The following PRKAR2B variants were observed in gnomAD, a reference collection of about 807,000 sequenced individuals.
The protein encoded by PRKAR2B is cAMP-dependent protein kinase type II-beta regulatory subunit.
PRKAR2B carries 14 observed loss-of-function variants against 49.9 expected under a neutral mutation model. That is an observed-to-expected ratio of 0.28 (90% CI 0.19 to 0.44). PRKAR2B has a LOEUF of 0.44. PRKAR2B is among the 20% of genes least tolerant of loss of function. The pLI, the probability that PRKAR2B is intolerant of heterozygous loss-of-function variation, is 1.00. For missense variants in PRKAR2B, 393 were observed against 537.9 expected (o/e 0.73, Z 2.67); for synonymous variants, 196 against 197.7 (o/e 0.99, Z 0.07).
At position 107,085,444 on chromosome 7, in the gene PRKAR2B, A is replaced by G. The variant is rs115175768; in HGVS notation, c.343+15128A>G. On this transcript the variant is annotated intron_variant, in intron 2 of 10. Coordinates refer to ENST00000265717, the MANE Select transcript of PRKAR2B (RefSeq NM_002736.3). ...ATCTTTTTTTATAGTTGTGATTAGT[A>G]TATGCATATATGTTACATCATTAAA... 3.8e-3 allele frequency among the ~76,000 whole-genome samples: 578 copies of G among 152,318 alleles called. 4 individuals carry two copies. The highest frequency in any genetic ancestry group is 0.014 in the African/African-American group (563 of 41,572).
intron 5 of PRKAR2B, among the ~76,000 whole-genome samples, chr7:107,143,337 G>A (rs865877168): frequency 2.0e-5 from 3 of 152,208 alleles, no homozygotes; most frequent in African/African-American, 7.2e-5. Context: ...GACCTCATGT[G>A]ATGGTTTACA....
chr7:107,156,313 C>T (rs1334024102), intron 8 of PRKAR2B, among the ~76,000 whole-genome samples: 1 of 152,052 alleles, frequency 6.6e-6, no homozygotes, highest in Non-Finnish European at 1.5e-5. Context: ...TAGCACATGC[C>T]TGTAATCCCA....
At chr7:107,148,262 G>T (rs1200473790) in intron 6 of PRKAR2B, among the ~76,000 whole-genome samples, 1 of 152,154 alleles carries the variant, frequency 6.6e-6, no homozygotes, top group African/African-American at 2.4e-5. Flanking sequence ...ATTCCAATGG[G>T]GTTGCCGTTC....
At chr7:107,046,376 A>G (rs1490319779) in intron 1 of PRKAR2B, among the ~76,000 whole-genome samples, 1 of 152,308 alleles carries the variant, frequency 6.6e-6, no homozygotes, top group East Asian at 1.9e-4. Flanking sequence ...TAAAAGTGTC[A>G]TTTCATTTCC....
At chr7:107,112,309 TTTC>T (rs1191172892) in intron 2 of PRKAR2B, among the ~76,000 whole-genome samples, 1 of 152,034 alleles carries the variant, frequency 6.6e-6, no homozygotes, top group Non-Finnish European at 1.5e-5. Flanking sequence ...TTAGTTTATA[TTTC>T]TTGTCTGTTA....
intron 8 of PRKAR2B, 113 bp downstream of exon 8, chr7:107,153,364 A>G (rs559582183): frequency 1.6e-6 from 1 of 611,630 alleles, no homozygotes; most frequent in African/African-American, 1.9e-5. Context: ...GTGATGGGTT[A>G]AATAAATATT....
At chr7:107,097,481 T>C (rs919587574) in intron 2 of PRKAR2B, among the ~76,000 whole-genome samples, 11 of 152,218 alleles carry the variant, frequency 7.2e-5, no homozygotes, top group African/African-American at 2.7e-4. Flanking sequence ...GTCTGTGTCT[T>C]TTAATTGGAG....
chr7:107,053,481 A>C (rs1402074879), intron 1 of PRKAR2B, among the ~76,000 whole-genome samples: 1 of 151,738 alleles, frequency 6.6e-6, no homozygotes, highest in Non-Finnish European at 1.5e-5. Context: ...TAAAGTAGCC[A>C]TGATCAATTT....
At chr7:107,116,271 T>G (rs1462405983) in intron 2 of PRKAR2B, among the ~76,000 whole-genome samples, 1 of 152,206 alleles carries the variant, frequency 6.6e-6, no homozygotes, top group Non-Finnish European at 1.5e-5. Context: ...TTCCCACTCT[T>G]TGTTAATTCT....
At chr7:107,063,585 G>A (rs1024891980) in intron 1 of PRKAR2B, among the ~76,000 whole-genome samples, 16 of 152,284 alleles carry the variant, frequency 1.1e-4, no homozygotes, top group Admixed American at 4.6e-4. Flanking sequence ...GGTGTTCAGG[G>A]AAAAGCTTCC....
intron 4 of PRKAR2B, 45 bp downstream of exon 4, chr7:107,128,340 A>G: frequency 1.4e-6 from 2 of 1,417,212 alleles, no homozygotes; most frequent in Non-Finnish European, 2.0e-6. Context: ...TTTTTCCCCC[A>G]GTGACAGTGT....
At chr7:107,132,014 A>G (rs1795612520) in intron 4 of PRKAR2B, among the ~76,000 whole-genome samples, 1 of 152,234 alleles carries the variant, frequency 6.6e-6, no homozygotes, top group African/African-American at 2.4e-5. Context: ...TAGTTTAATG[A>G]GAGTACAAAC....
At chr7:107,157,980 T>C (rs2115684527) in intron 10 of PRKAR2B, among the ~76,000 whole-genome samples, 1 of 152,340 alleles carries the variant, frequency 6.6e-6, no homozygotes, top group South Asian at 2.1e-4. Context: ...GTGCTTTTCA[T>C]CCATAATTCA....
At chr7:107,072,493 A>C (rs1232507189) in intron 2 of PRKAR2B, among the ~76,000 whole-genome samples, 1 of 152,188 alleles carries the variant, frequency 6.6e-6, no homozygotes, top group East Asian at 1.9e-4. Context: ...TGAATAAAAA[A>C]TGTGGTATAA....
chr7:107,099,639 C>CT (rs71134250), intron 2 of PRKAR2B, among the ~76,000 whole-genome samples: 1,526 of 134,286 alleles, frequency 0.011, 13 homozygotes, highest in Non-Finnish European at 0.018. Context: ...CATGAGAAAT[C>CT]TTTTTTTTTT....
At chr7:107,118,842 G>A (rs541870661) in intron 2 of PRKAR2B, among the ~76,000 whole-genome samples, 1 of 152,298 alleles carries the variant, frequency 6.6e-6, no homozygotes, top group African/African-American at 2.4e-5. Flanking sequence ...CACGATGACA[G>A]CTTTACAGAA....
intron 2 of PRKAR2B, among the ~76,000 whole-genome samples, chr7:107,094,099 A>C (rs1440697489): frequency 6.6e-6 from 1 of 152,226 alleles, no homozygotes; most frequent in Non-Finnish European, 1.5e-5. Context: ...TGTCTTCCAC[A>C]ACAGTTGAAC....
At chr7:107,054,675 T>C (rs916687975) in intron 1 of PRKAR2B, among the ~76,000 whole-genome samples, 2 of 152,198 alleles carry the variant, frequency 1.3e-5, no homozygotes, top group African/African-American at 4.8e-5. Context: ...CCTCTCTTTC[T>C]AAGTCTTTCC....
At chr7:107,073,647 T>TA (rs1255750752) in intron 2 of PRKAR2B, among the ~76,000 whole-genome samples, 60 of 152,264 alleles carry the variant, frequency 3.9e-4, no homozygotes, top group African/African-American at 1.4e-3. Flanking sequence ...CAGCACCCCA[T>TA]AACCTTATTT....
Sources: allele counts gnomAD v4.1 joint callset (sites outside exome capture counted in the v4.1 genomes callset), GRCh38; gene constraint gnomAD v4.1.1; transcripts MANE v1.5; gene names NCBI Gene and HGNC (gene_info 2026-07-23, HGNC 2026-07-21).